LANCL2: variants seen among roughly 807,000 people sequenced by gnomAD.
LANCL2 encodes LanC like glutathione S-transferase 2.
LANCL2 carries 33 observed loss-of-function variants against 56.9 expected under a neutral mutation model. The observed-to-expected ratio is 0.58, with a 90% CI of 0.44 to 0.78. The LOEUF is 0.78. Ranked by LOEUF, LANCL2 falls within the 30% of genes least tolerant of loss-of-function variation. The probability of loss-of-function intolerance (pLI) is 0.00; values close to 1 mark genes in which losing one functional copy is unlikely to be tolerated. For missense variants in LANCL2, 562 were observed against 580.2 expected, an observed-to-expected ratio of 0.97 and a Z score of 0.32; for synonymous variants, 233 against 228.2, an observed-to-expected ratio of 1.02 and a Z score of -0.19.
chr7:55,408,236 G>C (rs2128994806), intron 5 of LANCL2, among the ~76,000 whole-genome samples: 1 of 152,258 alleles, frequency 6.6e-6, no homozygotes, highest in South Asian at 2.1e-4. Context: ...TAGAAAGCAG[G>C]CAGAAATAGA....
rs967457443 is a variant in LANCL2 at position 55,398,561 on chromosome 7, C to G, written c.461C>G (p.Pro154Arg). 5.0e-6 allele frequency: 8 copies of G among 1,614,060 alleles called. No homozygotes were observed. The highest frequency in any genetic ancestry group is 1.3e-5 in the African/African-American group (1 of 74,912). Reference protein sequence around the residue: ...RVTFLCGDAGPLAVGAVIYHK... With the variant: ...RVTFLCGDAGRLAVGAVIYHK... The stretch of plus-strand genomic sequence containing the variant: ...ACCTTCCTCTGTGGGGATGCTGGCC[C>G]CCTGGCTGTTGGAGCTGTGATTTAT... Residue 154 changes from proline to arginine, a missense_variant, in exon 3 of 9, where the codon CCC (proline) becomes CGC (arginine). By Grantham distance (103) the Pro-to-Arg change is moderately radical (BLOSUM62 -2). Around this residue, in one of 2 missense-constraint regions of LANCL2, gnomAD observed 378 missense variants for 468.4 expected, o/e 0.81. Transcript: ENST00000254770.
rs973615204 is a variant in LANCL2, at chr7:55,433,324, T to A, written c.*2004T>A. The A allele has an allele frequency of 6.6e-6, 1 of 152,142 alleles. No homozygotes were observed. Among genetic ancestry groups the A allele is most frequent in the African/African-American group, 2.4e-5 (1 of 41,420 alleles). The allele number at this position is 152,142 out of a possible 1,614,324, so 9.4% of individuals were successfully genotyped here. A position where few individuals can be genotyped will look rare whatever the true frequency, so the allele number is the denominator to read the frequency against. On this transcript the variant is annotated 3_prime_UTR_variant, in exon 9 of 9. Transcript: ENST00000254770. ...AAATCTGTGGAATAAAGGAGGAGAT[T>A]TTATTTACAGATTTTTTTAAAAGCC...
At chr7:55,414,516 A>G (rs147722633) in intron 6 of LANCL2, among the ~76,000 whole-genome samples, 13 of 152,330 alleles carry the variant, frequency 8.5e-5, no homozygotes, top group African/African-American at 2.9e-4. Context: ...AATATTATTA[A>G]TTATCCTTTA....
At chr7:55,369,501 A>G (rs925813557) in intron 1 of LANCL2, among the ~76,000 whole-genome samples, 2 of 152,286 alleles carry the variant, frequency 1.3e-5, no homozygotes, top group South Asian at 2.1e-4. Flanking sequence ...TTTTTACAAT[A>G]TTGGGCCAAT....
chr7:55,375,511 C>T (rs746377365), intron 1 of LANCL2, among the ~76,000 whole-genome samples: 3 of 152,222 alleles, frequency 2.0e-5, no homozygotes, highest in Non-Finnish European at 2.9e-5. Context: ...GGGTCTTCCT[C>T]AGAGTTGCCC....
At chr7:55,401,541 T>TC (rs1562863960) in intron 5 of LANCL2, among the ~76,000 whole-genome samples, 2 of 58,184 alleles carry the variant, frequency 3.4e-5, no homozygotes, top group South Asian at 5.0e-4. Flanking sequence ...TTTTTTTTTT[T>TC]CCAATTTTCT....
intron 6 of LANCL2, among the ~76,000 whole-genome samples, chr7:55,412,782 C>T (rs891806281): frequency 1.3e-5 from 2 of 152,100 alleles, no homozygotes; most frequent in African/African-American, 4.8e-5. Flanking sequence ...GATTGTTGCT[C>T]ATACATCAGA....
Position 55,430,624 on chromosome 7 carries a change from T to C in LANCL2, c.1259-602T>C, listed in dbSNP as rs564113846. Among the ~76,000 whole-genome samples, 252 of 152,372 alleles carry C rather than the reference T, an allele frequency of 1.7e-3. 1 individual carries two copies. Among genetic ancestry groups the C allele is most frequent in the African/African-American group, 5.7e-3 (238 of 41,590 alleles). Reference sequence around the variant, plus strand: ...TATGTGTTTTATTGTACGTGAATTTTACATCAAAAGAAAAACTGTAAACAA... The same window carrying C: ...TATGTGTTTTATTGTACGTGAATTTCACATCAAAAGAAAAACTGTAAACAA... On this transcript the variant is annotated intron_variant, in intron 8 of 8. Transcript: ENST00000254770.
rs563481605 is a variant in LANCL2 at position 55,432,951 on chromosome 7, T to C, written c.*1631T>C. 3.4e-4 allele frequency: 52 copies of C among 152,368 alleles called. No homozygotes were observed. Among genetic ancestry groups the C allele is most frequent in the African/African-American group, 1.2e-3 (50 of 41,548 alleles). 9.4% of individuals were successfully genotyped at this position (152,368 alleles called of 1,614,324 possible). On this transcript the variant is annotated 3_prime_UTR_variant, in exon 9 of 9. Coordinates refer to ENST00000254770, the MANE Select transcript of LANCL2 (RefSeq NM_018697.4). ...GCCCACACCTGCAGGCAGGATGCTG[T>C]CGTCAATGAGCTGAGGGTAGCTGCT...
At position 55,366,168 on chromosome 7, in the gene LANCL2, G is replaced by A. The variant is rs751800687; in HGVS notation, c.143G>A (p.Gly48Asp). ...LLASGAAEET[G>D]CVRPPATTDE... ...GCCTCCGGAGCGGCCGAAGAGACAG[G>A]CTGTGTTCGTCCCCCGGCGACCACG... Residue 48 changes from glycine to aspartate, a missense_variant, in exon 1 of 9, where the codon GGC (glycine) becomes GAC (aspartate). Gly to Asp is a moderately conservative substitution (Grantham distance 94). Around this residue, in one of 2 missense-constraint regions of LANCL2, gnomAD observed 184 missense variants for 111.8 expected, o/e 1.65. Coordinates refer to ENST00000254770, the MANE Select transcript of LANCL2 (RefSeq NM_018697.4). 2 of 1,560,162 alleles carry A rather than the reference G, an allele frequency of 1.3e-6. No individual in the cohort carries two copies. The highest frequency in any genetic ancestry group is 1.7e-4 in the Middle Eastern group (1 of 5,876).
At chr7:55,419,616 G>A (rs1216469276) in intron 6 of LANCL2, among the ~76,000 whole-genome samples, 1 of 151,954 alleles carries the variant, frequency 6.6e-6, no homozygotes, top group Admixed American at 6.6e-5. Flanking sequence ...AGGCCAGGCT[G>A]GTCTCGAACT....
chr7:55,428,510 GGACTGGCACTGT>G, intron 8 of LANCL2, 63 bp downstream of exon 8: 1 of 1,292,676 alleles, frequency 7.7e-7, no homozygotes, highest in Non-Finnish European at 1.1e-6. Flanking sequence ...CTGCCCTTGT[GGACTGGCACTGT>G]TCATATTTGA....
chr7:55,367,839 A>T (rs1789892905), intron 1 of LANCL2, among the ~76,000 whole-genome samples: 1 of 152,230 alleles, frequency 6.6e-6, no homozygotes, highest in Non-Finnish European at 1.5e-5. Flanking sequence ...ACCTTAAGAA[A>T]GGCCTCAATA....
chr7:55,402,490 G>A (rs1790347359), intron 5 of LANCL2, among the ~76,000 whole-genome samples: 1 of 144,104 alleles, frequency 6.9e-6, no homozygotes, highest in African/African-American at 2.6e-5. Context: ...TCTCCTCCCA[G>A]TAGGGGCGGC....
In LANCL2 at chr7:55,366,002, C is replaced by T; in HGVS notation, c.-24C>T. The T allele has an allele frequency of 7.0e-7, 1 of 1,418,626 alleles. No homozygotes were observed. Among genetic ancestry groups the T allele is most frequent in the Non-Finnish European group, 9.3e-7 (1 of 1,079,918 alleles). The allele number at this position is 1,418,626 out of a possible 1,614,324, so 87.9% of individuals were successfully genotyped here. A position where few individuals can be genotyped will look rare whatever the true frequency, so the allele number is the denominator to read the frequency against. Reference sequence around the variant, plus strand: ...CGCCGGGACAGGAGGTTTGTCCCCGCCCGCGCGCCGTACCGCGGCGGAGAT... The same window carrying T: ...CGCCGGGACAGGAGGTTTGTCCCCGTCCGCGCGCCGTACCGCGGCGGAGAT... On this transcript the variant is annotated 5_prime_UTR_variant, in exon 1 of 9. Coordinates refer to ENST00000254770, the MANE Select transcript of LANCL2 (RefSeq NM_018697.4).
intron 6 of LANCL2, among the ~76,000 whole-genome samples, chr7:55,419,902 C>T (rs962445292): frequency 4.0e-5 from 6 of 151,826 alleles, no homozygotes; most frequent in Non-Finnish European, 7.4e-5. Flanking sequence ...TTCTATAATT[C>T]CAGCACTTTT....
chr7:55,405,101 C>A (rs547330060), intron 5 of LANCL2, among the ~76,000 whole-genome samples: 2 of 152,166 alleles, frequency 1.3e-5, no homozygotes, highest in Non-Finnish European at 2.9e-5. Context: ...GTCCCAGAAG[C>A]CCCATCATCT....
intron 1 of LANCL2, among the ~76,000 whole-genome samples, chr7:55,367,274 G>A (rs1243175492): frequency 6.6e-6 from 1 of 152,178 alleles, no homozygotes; most frequent in African/African-American, 2.4e-5. Flanking sequence ...TTTTTCCACT[G>A]AGGTACGTGT....
intron 1 of LANCL2, among the ~76,000 whole-genome samples, chr7:55,373,696 AT>A (rs1562855994): frequency 2.0e-5 from 3 of 152,206 alleles, no homozygotes; most frequent in South Asian, 2.1e-4. Context: ...AATTAAAAAA[AT>A]TTTTTTATGA....
Sources: gnomAD v4.1 joint callset for allele counts (sites outside exome capture counted in the v4.1 genomes callset) on GRCh38, gnomAD v4.1.1 for gene constraint, gnomAD v4.1.1 regional missense constraint, MANE v1.5 for transcripts, NCBI Gene and HGNC (gene_info 2026-07-23, HGNC 2026-07-21) for gene names.